Variants in SLC4A3 observed in about 807,000 individuals in gnomAD.
The protein encoded by SLC4A3 is anion exchange protein 3.
SLC4A3 carries 47 observed loss-of-function variants against 114.2 expected under a neutral mutation model. The observed-to-expected ratio is 0.41, with a 90% CI of 0.33 to 0.52. SLC4A3 has a LOEUF of 0.52. Ranked by LOEUF, SLC4A3 falls within the 20% of genes least tolerant of loss-of-function variation. SLC4A3 has a pLI of 0.21. For synonymous variants in SLC4A3, 693 were observed against 710.3 expected, an observed-to-expected ratio of 0.98 and a Z score of 0.39; for missense variants, 1,312 against 1,668.3, an observed-to-expected ratio of 0.79 and a Z score of 3.72.
chr2:219,631,875 C>T lies in SLC4A3; in HGVS notation c.812-93C>T. On this transcript the variant is annotated intron_variant, in intron 6 of 22. Transcript: ENST00000358055. This position sits in a 1 kb window ranked among gnomAD's most constrained non-coding sequence, Gnocchi z 6.3. Reference sequence around the variant, plus strand: ...ATGGCCTGTTGGTGACTGTAGAGCTCACCAAGTAGATGGGTTGGGCAGAAG... The same window carrying T: ...ATGGCCTGTTGGTGACTGTAGAGCTTACCAAGTAGATGGGTTGGGCAGAAG... The T allele has an allele frequency of 7.2e-7, 1 of 1,396,260 alleles. No individual in the cohort carries two copies. Among genetic ancestry groups the T allele is most frequent in the Non-Finnish European group, 9.7e-7 (1 of 1,025,810 alleles). 86.5% of individuals were successfully genotyped at this position (1,396,260 alleles called of 1,614,324 possible). A position where few individuals can be genotyped will look rare whatever the true frequency, so the allele number is the denominator to read the frequency against.
chr2:219,636,713 G>A lies in SLC4A3; in HGVS notation c.2374G>A (p.Gly792Ser). ...CRAQDLEYLT[G>S]RVWVGLWLVV... ...AGCCCAGGACCTGGAGTACCTCACT[G>A]GCCGGGTGTGGGTTGGTCTCTGGCT... Residue 792 changes from glycine to serine, a missense_variant, in exon 16 of 23, where the codon GGC becomes AGC. Coordinates refer to ENST00000358055, the MANE Select transcript of SLC4A3 (RefSeq NM_005070.4). The surrounding 1 kb of genome is among the most constrained non-coding windows in gnomAD (Gnocchi z 5.5). 1 of 1,614,060 alleles carries A rather than the reference G, an allele frequency of 6.2e-7. No individual in the cohort carries two copies. The highest frequency in any genetic ancestry group is 8.5e-7 in the Non-Finnish European group (1 of 1,179,966).
rs139947594 is a variant in SLC4A3 at position 219,629,237 on chromosome 2, G to A, written c.311G>A (p.Arg104Gln). 3,007 of 1,613,522 alleles carry A rather than the reference G, an allele frequency of 1.9e-3. 6 individuals are homozygous for A. Among genetic ancestry groups the A allele is most frequent in the Non-Finnish European group, 2.2e-3 (2,624 of 1,179,924 alleles). Reference sequence around the variant, plus strand: ...CGGCGGCTGCCCCCCACCTCTGCCCGGCACACCAGGAGAAAGAGGAAGAAG... The same window carrying A: ...CGGCGGCTGCCCCCCACCTCTGCCCAGCACACCAGGAGAAAGAGGAAGAAG... ...KLRRLPPTSA[R>Q]HTRRKRKKEK... The change falls in exon 4 of 23, where the codon CGG becomes CAG. Residue 104 changes from arginine to glutamine, a missense_variant. This residue lies in a region of SLC4A3 where 236 missense variants were observed against 212.1 expected (regional missense o/e 1.11). Transcript: ENST00000358055.
chr2:219,631,522 G>A lies in SLC4A3; in HGVS notation c.812-446G>A, dbSNP rs925557121. On this transcript the variant is annotated intron_variant, in intron 6 of 22. Transcript: ENST00000358055. This position sits in a 1 kb window ranked among gnomAD's most constrained non-coding sequence, Gnocchi z 6.3. ...CCTGGGTGGGGCAGACAGGAGGAAGGGAGCGAAGCCCTGCCTGAGTCTACT... is the reference window on the plus strand; with the variant it reads ...CCTGGGTGGGGCAGACAGGAGGAAGAGAGCGAAGCCCTGCCTGAGTCTACT... 1.3e-5 allele frequency: 16 copies of A among 1,264,610 alleles called. No homozygotes were observed. In the African/African-American group the frequency reaches 1.4e-4, roughly 11 times the overall value. 78.3% of individuals were successfully genotyped at this position (1,264,610 alleles called of 1,614,324 possible).
rs201117025 is a variant in SLC4A3, at chr2:219,629,277, T to G, written c.351T>G (p.Ala117=). The G allele has an allele frequency of 6.2e-7, 1 of 1,613,040 alleles. No individual in the cohort carries two copies. Among genetic ancestry groups the G allele is most frequent in the East Asian group, 2.2e-5 (1 of 44,790 alleles). Residue 117 remains alanine (A), a synonymous_variant, in exon 4 of 23, where the codon GCT becomes GCG. Transcript: ENST00000358055. The part of the protein sequence containing the change: ...RRKRKKEKTS[A]PPSEGTPPIQ... ...AGAGGAAGAAGGAGAAAACCTCTGC[T>G]CCTCCCTCCGAGGGGACCCCTCCCA...
Position 219,641,291 on chromosome 2 carries a change from T to C in SLC4A3, c.3621+329T>C, listed in dbSNP as rs371809198. ...CGGCTGAGAGGCTACAGGGTTGATGTGGCACTGGTGTCCACCCTGAGCCCT... is the reference window on the plus strand; with the variant it reads ...CGGCTGAGAGGCTACAGGGTTGATGCGGCACTGGTGTCCACCCTGAGCCCT... On this transcript the variant is annotated intron_variant, in intron 22 of 22. Transcript: ENST00000358055. This position sits in a 1 kb window ranked among gnomAD's most constrained non-coding sequence, Gnocchi z 4.0. Among the ~76,000 whole-genome samples, 141 of 152,258 alleles carry C rather than the reference T, an allele frequency of 9.3e-4. 2 individuals are homozygous for C. The highest frequency in any genetic ancestry group is 3.4e-3 in the African/African-American group (140 of 41,544).
In SLC4A3 at chr2:219,638,331, C is replaced by T; in HGVS notation, c.2856+78C>T. On this transcript the variant is annotated intron_variant, in intron 18 of 22. Coordinates refer to ENST00000358055, the MANE Select transcript of SLC4A3 (RefSeq NM_005070.4). This position sits in a 1 kb window ranked among gnomAD's most constrained non-coding sequence, Gnocchi z 7.5. ...GAGCCCACAACACACTTCCATGGGC[C>T]CTGGGATTGGGATCAGGCCTGAACT... 8.5e-7 allele frequency: 1 copy of T among 1,169,778 alleles called. No homozygotes were observed. Among genetic ancestry groups the T allele is most frequent in the Non-Finnish European group, 1.2e-6 (1 of 800,224 alleles). The allele number at this position is 1,169,778 out of a possible 1,614,324, so 72.5% of individuals were successfully genotyped here.
chr2:219,628,040 C>A lies in SLC4A3; in HGVS notation c.48C>A (p.Pro16=). 1 of 1,572,592 alleles carries A rather than the reference C, an allele frequency of 6.4e-7. No homozygotes were observed. Among genetic ancestry groups the A allele is most frequent in the Non-Finnish European group, 8.6e-7 (1 of 1,162,742 alleles). Residue 16 remains proline, a synonymous_variant, in exon 2 of 23, where the codon CCC becomes CCA. Coordinates refer to ENST00000358055, the MANE Select transcript of SLC4A3 (RefSeq NM_005070.4). This position sits in a 1 kb window ranked among gnomAD's most constrained non-coding sequence, Gnocchi z 4.8. ...CGCCCGGGGGCGCCTCCCCCCTACC[C>A]CAGGTGATCGGCGCGCGCGGGGGCG... ...IPPPGGASPL[P]QVRVPLEEPP... is the part of the protein sequence containing the mutation.
Position 219,633,378 on chromosome 2 carries a change from C to A in SLC4A3, c.1382C>A (p.Pro461His). The change falls in exon 10 of 23, where the codon CCT becomes CAT. Residue 461 changes from proline (P) to histidine (H), a missense_variant. Coordinates refer to ENST00000358055, the MANE Select transcript of SLC4A3 (RefSeq NM_005070.4). ...CATCACCCAACTCCCAGCCATGGCC[C>A]TGATGGGGCGGTGCCTACCATGGCT... ...GNHHPTPSHG[P>H]DGAVPTMADD... is the part of the protein sequence containing the mutation. 1 of 1,605,768 alleles carries A rather than the reference C, an allele frequency of 6.2e-7. No individual in the cohort carries two copies. The highest frequency in any genetic ancestry group is 8.5e-7 in the Non-Finnish European group (1 of 1,174,896).
chr2:219,633,054 C>G (rs753381789), intron 9 of SLC4A3, 45 bp downstream of exon 9: 3 of 1,603,094 alleles, frequency 1.9e-6, no homozygotes, highest in East Asian at 2.2e-5. Context: ...GCTCAGCTGC[C>G]CTTCCAGGAG....
At position 219,640,589 on chromosome 2, in the gene SLC4A3, A is replaced by G. The variant is rs957291710; in HGVS notation, c.3437A>G (p.Tyr1146Cys). ...GCAAAACACCATCCTGAGCAGCCCT[A>G]TGTGACCAAGGTAGGGCCGGGAAGC... ...MPAKHHPEQP[Y>C]VTKVKTWRMH... The change falls in exon 21 of 23, where the codon TAT becomes TGT. Residue 1146 changes from tyrosine (Y) to cysteine (C), a missense_variant. Tyr to Cys is a radical substitution (Grantham distance 194, BLOSUM62 -2). This residue lies in a region of SLC4A3 where 301 missense variants were observed against 460.7 expected (regional missense o/e 0.65). Transcript: ENST00000358055. 1.9e-6 allele frequency: 3 copies of G among 1,613,934 alleles called. No individual in the cohort carries two copies. Among genetic ancestry groups the G allele is most frequent in the Non-Finnish European group, 2.5e-6 (3 of 1,179,902 alleles).
At position 219,628,573 on chromosome 2, in the gene SLC4A3, G is replaced by A; in HGVS notation, c.217+3G>A. 1 of 1,611,716 alleles carries A rather than the reference G, an allele frequency of 6.2e-7. No homozygotes were observed. Among genetic ancestry groups the A allele is most frequent in the Non-Finnish European group, 8.5e-7 (1 of 1,179,570 alleles). On this transcript the variant is annotated splice_donor_region_variant and intron_variant, in intron 3 of 22. Coordinates refer to ENST00000358055, the MANE Select transcript of SLC4A3 (RefSeq NM_005070.4). The surrounding 1 kb of genome is among the most constrained non-coding windows in gnomAD (Gnocchi z 4.8). ...CTACAGCGAGCGGGACTTTGAGTGT[G>A]GGTAGCCTGGGGACCCCTAGTGCGG...
rs943028998 is a variant in SLC4A3 at position 219,638,940 on chromosome 2, G to A, written c.3023+71G>A. On this transcript the variant is annotated intron_variant, in intron 19 of 22. Transcript: ENST00000358055. The surrounding 1 kb of genome is among the most constrained non-coding windows in gnomAD (Gnocchi z 7.5). ...CTTGGCTCCTTGGCTTGGTTTCAGG[G>A]TTATAGCAGGGACATCATTATCAGT... 48 of 1,512,180 alleles carry A rather than the reference G, an allele frequency of 3.2e-5. No homozygotes were observed. In the Middle Eastern group the frequency reaches 5.0e-4, roughly 16 times the overall value. 93.7% of individuals were successfully genotyped at this position (1,512,180 alleles called of 1,614,324 possible).
In SLC4A3 at chr2:219,630,493, A is replaced by AGGTCCCCATCAC; in HGVS notation, c.811+141_811+142insGGTCCCCATCAC. 1 of 934,626 alleles carries AGGTCCCCATCAC rather than the reference A, an allele frequency of 1.1e-6. No homozygotes were observed. Among genetic ancestry groups the AGGTCCCCATCAC allele is most frequent in the Non-Finnish European group, 1.6e-6 (1 of 645,080 alleles). The allele number at this position is 934,626 out of a possible 1,614,324, so 57.9% of individuals were successfully genotyped here. The stretch of plus-strand genomic sequence containing the variant: ...CCTGTCTGCTGGGATGTGGCCAGTG[A>AGGTCCCCATCAC]TGGGGACCTCACTACCTCACCCAGC... On this transcript the variant is annotated intron_variant, in intron 6 of 22. Transcript: ENST00000358055. This position sits in a 1 kb window ranked among gnomAD's most constrained non-coding sequence, Gnocchi z 6.9.
At position 219,637,800 on chromosome 2, in the gene SLC4A3, C is replaced by T; in HGVS notation, c.2755C>T (p.Leu919=). Residue 919 remains leucine, a synonymous_variant, in exon 17 of 23, where the codon CTG becomes TTG. Coordinates refer to ENST00000358055, the MANE Select transcript of SLC4A3 (RefSeq NM_005070.4). The surrounding 1 kb of genome is among the most constrained non-coding windows in gnomAD (Gnocchi z 4.6). ...FLRKFRNSRF[L]GGKARRIIGD... ...GCGCAAGTTCAGGAACAGCCGCTTC[C>T]TGGGGGGCAAGGTGCGTGGCTGCTG... 1 of 1,613,446 alleles carries T rather than the reference C, an allele frequency of 6.2e-7. No homozygotes were observed. Among genetic ancestry groups the T allele is most frequent in the East Asian group, 2.2e-5 (1 of 44,876 alleles).
In SLC4A3 at chr2:219,635,857, C is replaced by T. The variant is rs778222654; in HGVS notation, c.2157C>T (p.Ala719=). ...VAAVLFIYFA[A]LSPAITFGGL... is the part of the protein sequence containing the mutation. ...CTGTGCTCTTCATCTACTTCGCAGC[C>T]CTCAGCCCTGCCATCACCTTCGGGG... Residue 719 remains alanine (A), a synonymous_variant, in exon 14 of 23, where the codon GCC becomes GCT. Coordinates refer to ENST00000358055, the MANE Select transcript of SLC4A3 (RefSeq NM_005070.4). 2.0e-5 allele frequency: 31 copies of T among 1,553,786 alleles called. No homozygotes were observed. The South Asian group carries it at 3.6e-4, about 18-fold the overall frequency.
At chr2:219,634,269 A>G in intron 11 of SLC4A3, 151 bp from the exon 12 acceptor site, 1 of 755,474 alleles carries the variant, frequency 1.3e-6, no homozygotes, top group South Asian at 1.8e-5. Context: ...CAATGTGTAG[A>G]CACATAAGCG....
chr2:219,631,129 G>A lies in SLC4A3; in HGVS notation c.811+777G>A. 8.6e-7 allele frequency: 1 copy of A among 1,165,634 alleles called. No homozygotes were observed. 72.2% of individuals were successfully genotyped at this position (1,165,634 alleles called of 1,614,324 possible). ...TGGGGAGTTGGGGTCGGGAGGCTGT[G>A]CCACCTTCAGCTCTGGTTGGACAGA... is the stretch of plus-strand genomic sequence containing the variant. On this transcript the variant is annotated intron_variant, in intron 6 of 22. Transcript: ENST00000358055. This position sits in a 1 kb window ranked among gnomAD's most constrained non-coding sequence, Gnocchi z 6.3.
chr2:219,637,510 G>A lies in SLC4A3; in HGVS notation c.2536-71G>A, dbSNP rs1301186727. 14 of 816,952 alleles carry A rather than the reference G, an allele frequency of 1.7e-5. No individual in the cohort carries two copies. The Admixed American group carries it at 2.3e-4, about 13-fold the overall frequency. The allele number at this position is 816,952 out of a possible 1,614,324, so 50.6% of individuals were successfully genotyped here. On this transcript the variant is annotated intron_variant, in intron 16 of 22. Coordinates refer to ENST00000358055, the MANE Select transcript of SLC4A3 (RefSeq NM_005070.4). The surrounding 1 kb of genome is among the most constrained non-coding windows in gnomAD (Gnocchi z 4.6). ...TGAGGGGCCACCCTCTCTCTCACAGGTGTACTGATGACGATGAAGTCAGGT... is the reference window on the plus strand; with the variant it reads ...TGAGGGGCCACCCTCTCTCTCACAGATGTACTGATGACGATGAAGTCAGGT...
chr2:219,627,772 A>C, intron 1 of SLC4A3, 27 bp downstream of exon 1: 4 of 343,102 alleles, frequency 1.2e-5, no homozygotes, highest in Middle Eastern at 7.8e-4. Flanking sequence ...CACGCCGGGC[A>C]GGGCGGGGGA....
Sources: gnomAD v4.1 joint callset for allele counts (sites outside exome capture counted in the v4.1 genomes callset) on GRCh38, gnomAD v4.1.1 for gene constraint, gnomAD v4.1.1 regional missense constraint, Gnocchi (gnomAD v3.1) non-coding constraint, MANE v1.5 for transcripts, NCBI Gene and HGNC (gene_info 2026-07-23, HGNC 2026-07-21) for gene names.